The following BICRA variants were observed in gnomAD, a reference collection of about 807,000 sequenced individuals.
BICRA encodes the protein BRD4 interacting chromatin remodeling complex associated protein, also known as BRD4-interacting chromatin-remodeling complex-associated protein.
BICRA carries 31 observed loss-of-function variants against 96.9 expected under a neutral mutation model. The ratio of observed to expected loss-of-function variants is 0.32; its 90% CI spans 0.24 to 0.43. The LOEUF (loss-of-function observed/expected upper bound fraction) is 0.43, where lower values mean the gene tolerates loss of function less well. Ranked by LOEUF, BICRA falls within the 20% of genes least tolerant of loss-of-function variation. The probability of loss-of-function intolerance (pLI) is 1.00; values close to 1 mark genes in which losing one functional copy is unlikely to be tolerated. For synonymous variants in BICRA, 1,350 were observed against 1,071.8 expected (o/e 1.26, Z -5.07); for missense variants, 2,283 against 2,190.3 (o/e 1.04, Z -0.84).
chr19:47,680,701 G>T lies in BICRA; in HGVS notation c.1531G>T (p.Ala511Ser). 1 of 1,601,530 alleles carries T rather than the reference G, an allele frequency of 6.2e-7. No individual in the cohort carries two copies. Among genetic ancestry groups the T allele is most frequent in the Non-Finnish European group, 8.5e-7 (1 of 1,174,620 alleles). The change falls in exon 6 of 15, where the codon GCG becomes TCG. Residue 511 changes from alanine to serine, a missense_variant. Ala to Ser is a moderately conservative substitution (Grantham distance 99, BLOSUM62 1). Coordinates refer to ENST00000594866, the MANE Select transcript of BICRA (RefSeq NM_001394372.1). ...CCCCCACACAGGTGGACAGCTCATC[G>T]CGAACCCCATCCTCACAAACCAGAA... ...AAPHTGGQLI[A>S]NPILTNQNLA... is the part of the protein sequence containing the mutation.
At chr19:47,686,914 A>G (rs545751609) in intron 7 of BICRA, among the ~76,000 whole-genome samples, 1 of 152,346 alleles carries the variant, frequency 6.6e-6, no homozygotes, top group South Asian at 2.1e-4. Context: ...CCTTGCGTGC[A>G]GAATCAGAAT....
chr19:47,676,045 G>GGCC, intron 5 of BICRA, 129 bp downstream of exon 5: 1 of 370,988 alleles, frequency 2.7e-6, no homozygotes, highest in Non-Finnish European at 5.4e-6. Flanking sequence ...GCGGGGGTGG[G>GGCC]CCACCCAGGG....
intron 1 of BICRA, among the ~76,000 whole-genome samples, chr19:47,665,496 G>A (rs1329584544): frequency 3.3e-5 from 5 of 152,196 alleles, no homozygotes; most frequent in Admixed American, 3.3e-4. Flanking sequence ...TTGGGATGGG[G>A]TCTCGCTGTC....
chr19:47,665,574 A>G (rs543226936), intron 1 of BICRA, among the ~76,000 whole-genome samples: 30 of 152,234 alleles, frequency 2.0e-4, no homozygotes, highest in Non-Finnish European at 3.8e-4. Flanking sequence ...GGTTCAAGCA[A>G]TTCTCCTGCC....
At chr19:47,636,212 GTAT>G (rs1245458100) in intron 1 of BICRA, among the ~76,000 whole-genome samples, 2 of 152,140 alleles carry the variant, frequency 1.3e-5, no homozygotes, top group Non-Finnish European at 2.9e-5. Context: ...TGCTCAACCT[GTAT>G]TATTATTTTG....
chr19:47,635,807 C>G (rs1457652089), intron 1 of BICRA, among the ~76,000 whole-genome samples: 1 of 152,166 alleles, frequency 6.6e-6, no homozygotes, highest in African/African-American at 2.4e-5. Flanking sequence ...GGGTAATACT[C>G]CATTGTGCAG....
At chr19:47,683,956 G>A (rs1283891374) in intron 7 of BICRA, among the ~76,000 whole-genome samples, 4 of 152,314 alleles carry the variant, frequency 2.6e-5, no homozygotes, top group African/African-American at 7.2e-5. Flanking sequence ...GAAGAGGAGA[G>A]TGTGACAGTG....
chr19:47,652,896 C>A (rs1202802427), intron 1 of BICRA, among the ~76,000 whole-genome samples: 1 of 152,022 alleles, frequency 6.6e-6, no homozygotes, highest in African/African-American at 2.4e-5. Flanking sequence ...ATCATGTCTC[C>A]TTCACCCTTT....
At chr19:47,696,930 C>T (rs750529866) in intron 11 of BICRA, among the ~76,000 whole-genome samples, 7 of 151,600 alleles carry the variant, frequency 4.6e-5, no homozygotes, top group Non-Finnish European at 8.8e-5. Context: ...GGAGTCTGGG[C>T]GGATGGATGG....
intron 1 of BICRA, among the ~76,000 whole-genome samples, chr19:47,617,791 C>T (rs1299972026): frequency 6.6e-6 from 1 of 150,602 alleles, no homozygotes; most frequent in African/African-American, 2.4e-5. Flanking sequence ...TTTTTTTGGC[C>T]ATTACCTACT....
Position 47,701,269 on chromosome 19 carries a change from A to G in BICRA, c.3596-59A>G, listed in dbSNP as rs1038500322. ...GTGCTCACTGCACACAGCTCCTCCC[A>G]GCTCGGTCGGGGGGTCCTCATCCTA... On this transcript the variant is annotated intron_variant, in intron 14 of 14. Coordinates refer to ENST00000594866, the MANE Select transcript of BICRA (RefSeq NM_001394372.1). The surrounding 1 kb of genome is among the most constrained non-coding windows in gnomAD (Gnocchi z 5.4). 50 of 1,249,742 alleles carry G rather than the reference A, an allele frequency of 4.0e-5. No homozygotes were observed. In the African/African-American group the frequency reaches 6.6e-4, roughly 17 times the overall value. The allele number at this position is 1,249,742 out of a possible 1,614,324, so 77.4% of individuals were successfully genotyped here.
chr19:47,695,448 G>C lies in BICRA; in HGVS notation c.3160G>C (p.Gly1054Arg). Residue 1054 changes from glycine to arginine, a missense_variant, in exon 10 of 15, where the codon GGG becomes CGG. Coordinates refer to ENST00000594866, the MANE Select transcript of BICRA (RefSeq NM_001394372.1). ...GAATGTGGCCAAGGCCGCTTCCTCC[G>C]GGCCAGGGAAGCCCTCCGGGCTGCA... Reference protein sequence around the residue: ...TLNVAKAASSGPGKPSGLQYE... With the variant: ...TLNVAKAASSRPGKPSGLQYE... The C allele has an allele frequency of 6.4e-7, 1 of 1,574,344 alleles. No homozygotes were observed. Among genetic ancestry groups the C allele is most frequent in the Non-Finnish European group, 8.6e-7 (1 of 1,156,588 alleles).
chr19:47,692,143 C>T (rs959201696), intron 7 of BICRA, among the ~76,000 whole-genome samples: 6 of 152,160 alleles, frequency 3.9e-5, no homozygotes, highest in African/African-American at 1.4e-4. Context: ...CAGCGACGCA[C>T]CTGCCATTGG....
chr19:47,654,179 AC>A (rs1352406976), intron 1 of BICRA, among the ~76,000 whole-genome samples: 2 of 152,288 alleles, frequency 1.3e-5, no homozygotes, highest in East Asian at 3.9e-4. Flanking sequence ...GTGTTCCGCC[AC>A]ACCCTCACGA....
chr19:47,695,288 G>C (rs926968355), intron 9 of BICRA, 77 bp from the exon 10 acceptor site: 2 of 816,990 alleles, frequency 2.4e-6, no homozygotes, highest in Non-Finnish European at 4.1e-6. Context: ...TGGGGTACAG[G>C]ATGGGGCTCC....
rs1282502777 is a variant in BICRA, at chr19:47,698,918, G to A, written c.3398-47G>A. Reference sequence around the variant, plus strand: ...CCCGCCCTCCTTCCTGCGCATCCGCGGCCGCCCCCAACATCTCCGCCCTTG... The same window carrying A: ...CCCGCCCTCCTTCCTGCGCATCCGCAGCCGCCCCCAACATCTCCGCCCTTG... On this transcript the variant is annotated intron_variant, in intron 12 of 14. Coordinates refer to ENST00000594866, the MANE Select transcript of BICRA (RefSeq NM_001394372.1). The surrounding 1 kb of genome is among the most constrained non-coding windows in gnomAD (Gnocchi z 4.8). The A allele has an allele frequency of 1.4e-6, 2 of 1,454,072 alleles. No homozygotes were observed. The highest frequency in any genetic ancestry group is 9.5e-7 in the Non-Finnish European group (1 of 1,056,606). The allele number at this position is 1,454,072 out of a possible 1,614,324, so 90.1% of individuals were successfully genotyped here.
chr19:47,686,458 A>C (rs983351447), intron 7 of BICRA, among the ~76,000 whole-genome samples: 1 of 151,780 alleles, frequency 6.6e-6, no homozygotes, highest in African/African-American at 2.4e-5. Flanking sequence ...ATCTCGGCTC[A>C]CTGCAACCTC....
At chr19:47,643,693 T>C (rs1427903170) in intron 1 of BICRA, among the ~76,000 whole-genome samples, 1 of 152,176 alleles carries the variant, frequency 6.6e-6, no homozygotes, top group African/African-American at 2.4e-5. Flanking sequence ...TTTGCTTTTC[T>C]CGTGGTGGCC....
At chr19:47,645,971 G>A (rs1349226713) in intron 1 of BICRA, among the ~76,000 whole-genome samples, 7 of 152,134 alleles carry the variant, frequency 4.6e-5, no homozygotes, top group Non-Finnish European at 8.8e-5. Context: ...GGTGGCATGC[G>A]CCTGTAGGCC....
Sources: allele counts gnomAD v4.1 joint callset (sites outside exome capture counted in the v4.1 genomes callset), GRCh38; gene constraint gnomAD v4.1.1; non-coding constraint Gnocchi (gnomAD v3.1); transcripts MANE v1.5; gene names NCBI Gene and HGNC (gene_info 2026-07-23, HGNC 2026-07-21).